Variants in IFT74 observed in about 807,000 individuals in gnomAD.
The protein encoded by IFT74 is intraflagellar transport protein 74 homolog.
A neutral mutation model predicts 96.7 loss-of-function variants in IFT74; 92 were observed. The ratio of observed to expected loss-of-function variants is 0.95; its 90% CI spans 0.80 to 1.13. IFT74 has a LOEUF of 1.13. Among genes scored for constraint, IFT74 ranks in the 50% most tolerant of loss-of-function variants. The pLI is 0.00. For missense variants in IFT74, 811 were observed against 698.2 expected, an observed-to-expected ratio of 1.16 and a Z score of -1.82; for synonymous variants, 223 against 213.2, an observed-to-expected ratio of 1.05 and a Z score of -0.40.
rs752240672 is a variant in IFT74 at position 26,978,200 on chromosome 9, A to G, written c.193A>G (p.Ile65Val). Residue 65 changes from isoleucine (I) to valine (V), a missense_variant, in exon 3 of 20, where the codon ATC becomes GTC. Transcript: ENST00000380062. Reference sequence around the variant, plus strand: ...GACTGGTGGAGTTCTGTCTTCTCAAATCAAAGTTGCCCATCGCCCTGTAAC... The same window carrying G: ...GACTGGTGGAGTTCTGTCTTCTCAAGTCAAAGTTGCCCATCGCCCTGTAAC... ...IGTGGVLSSQ[I>V]KVAHRPVTQQ... The G allele has an allele frequency of 6.2e-7, 1 of 1,613,638 alleles. No individual in the cohort carries two copies. The highest frequency in any genetic ancestry group is 1.3e-5 in the African/African-American group (1 of 74,920).
intron 12 of IFT74, among the ~76,000 whole-genome samples, chr9:27,027,929 T>C (rs1307199979): frequency 6.6e-6 from 1 of 152,220 alleles, no homozygotes; most frequent in Admixed American, 6.5e-5. Context: ...TTCTAAGAGT[T>C]TGGTAATTTA....
chr9:27,060,680 C>T (rs369605124), intron 19 of IFT74, 29 bp downstream of exon 19: 56 of 1,548,236 alleles, frequency 3.6e-5, no homozygotes, highest in Middle Eastern at 1.7e-4. Flanking sequence ...AAAATGGGGC[C>T]GGGTGCGGTG....
At chr9:27,028,925 T>C (rs973726242) in intron 12 of IFT74, 100 bp from the exon 13 acceptor site, 1 of 1,006,296 alleles carries the variant, frequency 9.9e-7, no homozygotes, top group Non-Finnish European at 1.5e-6. Flanking sequence ...TTTTTAGATA[T>C]TGTTTATGCA....
chr9:27,020,005 C>A (rs557056968), intron 12 of IFT74, among the ~76,000 whole-genome samples: 3 of 150,268 alleles, frequency 2.0e-5, no homozygotes, highest in East Asian at 3.9e-4. Context: ...ATACAGAGTC[C>A]CAGTTTGTCG....
At position 27,017,023 on chromosome 9, in the gene IFT74, G is replaced by A; in HGVS notation, c.906G>A (p.Met302Ile). Residue 302 changes from methionine (M) to isoleucine (I), a missense_variant, in exon 11 of 20, where the codon ATG (methionine) becomes ATA (isoleucine). By Grantham distance (10) the Met-to-Ile change is conservative. Coordinates refer to ENST00000380062, the MANE Select transcript of IFT74 (RefSeq NM_025103.4). Reference sequence around the variant, plus strand: ...AAGACAAAAGCATAGGATCTCCAATGGAAGAGAGAGAGAAATTACTTAAGC... The same window carrying A: ...AAGACAAAAGCATAGGATCTCCAATAGAAGAGAGAGAGAAATTACTTAAGC... ...IAEDKSIGSPMEEREKLLKQI... is the reference protein window; with the variant it reads ...IAEDKSIGSPIEEREKLLKQI... The A allele has an allele frequency of 6.2e-7, 1 of 1,603,592 alleles. No homozygotes were observed. The highest frequency in any genetic ancestry group is 8.5e-7 in the Non-Finnish European group (1 of 1,176,106).
intron 18 of IFT74, among the ~76,000 whole-genome samples, chr9:27,058,183 G>T (rs1223900516): frequency 6.6e-6 from 1 of 151,634 alleles, no homozygotes; most frequent in Non-Finnish European, 1.5e-5. Flanking sequence ...GGAGCTCCTG[G>T]ACTCAACCGA....
intron 1 of IFT74, among the ~76,000 whole-genome samples, chr9:26,957,152 C>G (rs59757728): frequency 6.6e-6 from 1 of 152,146 alleles, no homozygotes; most frequent in Admixed American, 6.5e-5. Flanking sequence ...AATTGTGTGA[C>G]TCTTTGATTG....
At chr9:26,986,724 GTGGTCTTCC>G (rs1263532214) in intron 6 of IFT74, among the ~76,000 whole-genome samples, 1 of 152,004 alleles carries the variant, frequency 6.6e-6, no homozygotes, top group Non-Finnish European at 1.5e-5. Flanking sequence ...CTGGGCACAA[GTGGTCTTCC>G]TGCATCAGCC....
intron 13 of IFT74, among the ~76,000 whole-genome samples, chr9:27,030,488 CA>C (rs1381061928): frequency 9.3e-5 from 13 of 139,872 alleles, no homozygotes; most frequent in Non-Finnish European, 1.5e-4. Flanking sequence ...GCGGAGGTTG[CA>C]GTGAGCCAAG....
chr9:27,037,195 G>C (rs1319878001), intron 13 of IFT74, among the ~76,000 whole-genome samples: 2 of 144,876 alleles, frequency 1.4e-5, no homozygotes, highest in Non-Finnish European at 3.0e-5. Context: ...ACTCCAGCCT[G>C]GGCAGCAAGA....
At chr9:27,008,879 C>G in intron 8 of IFT74, 141 bp from the exon 9 acceptor site, 1 of 621,902 alleles carries the variant, frequency 1.6e-6, no homozygotes, top group South Asian at 4.2e-5. Flanking sequence ...TTTTTTAGTA[C>G]AAATATAAAG....
chr9:26,998,260 G>A (rs1587318545), intron 8 of IFT74: 1 of 1,339,984 alleles, frequency 7.5e-7, no homozygotes, highest in Non-Finnish European at 1.0e-6. Flanking sequence ...ACAAAAAAAA[G>A]AAAGGCATTA....
At chr9:26,949,091 T>C (rs1226868645) in intron 1 of IFT74, among the ~76,000 whole-genome samples, 1 of 152,246 alleles carries the variant, frequency 6.6e-6, no homozygotes, top group African/African-American at 2.4e-5. Flanking sequence ...TGTTCTTTTA[T>C]GTCTGTCTTT....
At chr9:26,996,762 T>C (rs947838550) in intron 8 of IFT74, among the ~76,000 whole-genome samples, 1 of 151,952 alleles carries the variant, frequency 6.6e-6, no homozygotes, top group Non-Finnish European at 1.5e-5. Flanking sequence ...TGTGGTTACA[T>C]GGTTACAATC....
chr9:26,990,191 C>T lies in IFT74; in HGVS notation c.583C>T (p.Gln195Ter). ...TTTGGATGTCATATTTACTGAAAGA[C>T]AAGCGTAAGTATAGCTAATTTAAAA... ...QSLDVIFTER[Q>*]AKEKQIRSVE... Residue 195 changes from glutamine to a stop codon, truncating the protein, a stop_gained, in exon 8 of 20, where the codon CAA becomes TAA. Coordinates refer to ENST00000380062, the MANE Select transcript of IFT74 (RefSeq NM_025103.4). LOFTEE classifies it high-confidence loss of function. 6.9e-7 allele frequency: 1 copy of T among 1,444,604 alleles called. No individual in the cohort carries two copies. Among genetic ancestry groups the T allele is most frequent in the Non-Finnish European group, 9.2e-7 (1 of 1,087,202 alleles). The allele number at this position is 1,444,604 out of a possible 1,614,324, so 89.5% of individuals were successfully genotyped here.
intron 8 of IFT74, chr9:26,996,419 A>G: frequency 1.7e-5 from 28 of 1,609,562 alleles, no homozygotes; most frequent in Non-Finnish European, 2.3e-5. Context: ...TTTGAGTGGC[A>G]TTCAGCCTTA....
At position 27,060,610 on chromosome 9, in the gene IFT74, A is replaced by G. The variant is rs201462617; in HGVS notation, c.1643A>G (p.Lys548Arg). Residue 548 changes from lysine (K) to arginine (R), a missense_variant, in exon 19 of 20, where the codon AAG becomes AGG. Transcript: ENST00000380062. The stretch of plus-strand genomic sequence containing the variant: ...TTTTAGCTTACAAATTTGGAGAGAA[A>G]GTGGCAACACCTTGAGCAAAATAAT... ...THSQLTNLER[K>R]WQHLEQNNFA... 173 of 1,595,504 alleles carry G rather than the reference A, an allele frequency of 1.1e-4. No homozygotes were observed. Among genetic ancestry groups the G allele is most frequent in the Non-Finnish European group, 1.5e-4 (170 of 1,168,542 alleles).
At chr9:27,055,869 GTTGA>G in intron 17 of IFT74, 97 bp downstream of exon 17, 2 of 746,374 alleles carry the variant, frequency 2.7e-6, no homozygotes, top group Non-Finnish European at 4.0e-6. Flanking sequence ...ATTATTTTAA[GTTGA>G]TTATTTTATA....
chr9:26,978,538 G>C (rs1827224953), intron 3 of IFT74, among the ~76,000 whole-genome samples: 1 of 152,092 alleles, frequency 6.6e-6, no homozygotes, highest in Admixed American at 6.6e-5. Flanking sequence ...GAATTAGAAA[G>C]CTATATACAG....
Sources: allele counts gnomAD v4.1 joint callset (sites outside exome capture counted in the v4.1 genomes callset), GRCh38; gene constraint gnomAD v4.1.1; transcripts MANE v1.5; gene names NCBI Gene and HGNC (gene_info 2026-07-23, HGNC 2026-07-21).